Variants in ENTREP2 observed in about 807,000 individuals in gnomAD.
ENTREP2 encodes protein ENTREP2.
At chr15:29,417,842 A>T in the ENTREP2 span, among the ~76,000 whole-genome samples, 1 of 152,150 alleles carries the variant, frequency 6.6e-6, no homozygotes, top group African/African-American at 2.4e-5. Flanking sequence ...AGTCATGGGC[A>T]TTCACTGCTT....
At chr15:29,206,194 T>G in the ENTREP2 span, among the ~76,000 whole-genome samples, 1 of 152,154 alleles carries the variant, frequency 6.6e-6, no homozygotes, top group Non-Finnish European at 1.5e-5. Context: ...TGGTGTATGG[T>G]GACATCCTGG....
the ENTREP2 span, among the ~76,000 whole-genome samples, chr15:29,367,384 C>T: frequency 3.3e-5 from 5 of 152,186 alleles, no homozygotes; most frequent in East Asian, 5.8e-4. Context: ...TATATTTGAC[C>T]TGACCCTGAG....
the ENTREP2 span, chr15:29,376,328 A>G: frequency 6.6e-6 from 1 of 152,178 alleles, no homozygotes; most frequent in Non-Finnish European, 1.5e-5. Flanking sequence ...TGAATCTTTC[A>G]AAAAATCATC....
the ENTREP2 span, among the ~76,000 whole-genome samples, chr15:29,272,266 G>A: frequency 6.6e-6 from 1 of 152,166 alleles, no homozygotes; most frequent in African/African-American, 2.4e-5. Flanking sequence ...TGGAAGCCAT[G>A]GATGTCTGGG....
At chr15:29,424,736 C>A in the ENTREP2 span, among the ~76,000 whole-genome samples, 3 of 152,160 alleles carry the variant, frequency 2.0e-5, no homozygotes, top group Non-Finnish European at 2.9e-5. Flanking sequence ...AAGCTCACAG[C>A]TTTTTCAACA....
At chr15:29,382,188 GGA>G in the ENTREP2 span, among the ~76,000 whole-genome samples, 4 of 151,880 alleles carry the variant, frequency 2.6e-5, no homozygotes, top group Admixed American at 6.6e-5. Flanking sequence ...CTTGAACCTG[GGA>G]GGCAGAGGTT....
At chr15:29,492,247 G>C in the ENTREP2 span, among the ~76,000 whole-genome samples, 1 of 152,150 alleles carries the variant, frequency 6.6e-6, no homozygotes, top group African/African-American at 2.4e-5. Context: ...TACTCAGACT[G>C]CAAAGTCATT....
the ENTREP2 span, among the ~76,000 whole-genome samples, chr15:29,350,749 C>T: frequency 2.0e-5 from 3 of 152,064 alleles, no homozygotes; most frequent in Admixed American, 1.3e-4. Context: ...TTGAGACCAG[C>T]CTAGCCAACA....
At chr15:29,159,425 A>C in the ENTREP2 span, among the ~76,000 whole-genome samples, 1 of 152,168 alleles carries the variant, frequency 6.6e-6, no homozygotes, top group Non-Finnish European at 1.5e-5. Context: ...AAGCTTCCAC[A>C]GCATAGAAAA....
At chr15:29,601,778 A>G in the ENTREP2 span, among the ~76,000 whole-genome samples, 1 of 152,200 alleles carries the variant, frequency 6.6e-6, no homozygotes, top group Admixed American at 6.5e-5. Flanking sequence ...TATCACTGAG[A>G]ATCACCGAGG....
chr15:29,607,305 T>C, the ENTREP2 span, among the ~76,000 whole-genome samples: 1 of 75,266 alleles, frequency 1.3e-5, no homozygotes, highest in Non-Finnish European at 2.5e-5. Context: ...TCTTCATTTC[T>C]TTTTTTTTTT....
chr15:29,234,410 T>C, the ENTREP2 span: 10 of 1,529,786 alleles, frequency 6.5e-6, no homozygotes, highest in South Asian at 5.6e-5. Context: ...AGCAATAAAA[T>C]GGGCAACCAT....
the ENTREP2 span, among the ~76,000 whole-genome samples, chr15:29,280,746 G>A: frequency 6.6e-6 from 1 of 152,204 alleles, no homozygotes; most frequent in African/African-American, 2.4e-5. Context: ...AACCGCCATG[G>A]GAAGGCGTTT....
chr15:29,601,433 CTT>C, the ENTREP2 span, among the ~76,000 whole-genome samples: 1,625 of 142,510 alleles, frequency 0.011, 24 homozygotes, highest in African/African-American at 0.039. Context: ...CCACCACCAC[CTT>C]TTTTTTTTTT....
chr15:29,137,081 G>C, the ENTREP2 span: 1 of 1,461,394 alleles, frequency 6.8e-7, no homozygotes, highest in South Asian at 1.5e-5. Flanking sequence ...GGGGGTAATA[G>C]GGTGGAGGCG....
the ENTREP2 span, among the ~76,000 whole-genome samples, chr15:29,227,535 T>G: frequency 6.6e-6 from 1 of 152,132 alleles, no homozygotes. Context: ...GCTCATCAGC[T>G]GGGTGGTCGC....
chr15:29,548,709 T>C, the ENTREP2 span, among the ~76,000 whole-genome samples: 4 of 152,176 alleles, frequency 2.6e-5, no homozygotes, highest in Non-Finnish European at 5.9e-5. Context: ...TATGCTTCAA[T>C]CCTTTAGAGG....
At chr15:29,626,307 G>T in the ENTREP2 span, among the ~76,000 whole-genome samples, 3 of 152,302 alleles carry the variant, frequency 2.0e-5, no homozygotes, top group Admixed American at 2.0e-4. Context: ...GCAGGGCCAA[G>T]TGGAGACAAT....
At chr15:29,551,296 T>G in the ENTREP2 span, among the ~76,000 whole-genome samples, 11 of 152,126 alleles carry the variant, frequency 7.2e-5, no homozygotes, top group Non-Finnish European at 1.2e-4. Flanking sequence ...AAGCTTCTAG[T>G]GTTTGACCTG....
Sources: allele counts gnomAD v4.1 joint callset (sites outside exome capture counted in the v4.1 genomes callset), GRCh38; gene constraint gnomAD v4.1.1; transcripts MANE v1.5; gene names NCBI Gene and HGNC (gene_info 2026-07-23, HGNC 2026-07-21).